Variants in PLXDC1 observed in about 807,000 individuals in gnomAD.
PLXDC1 encodes the protein plexin domain-containing protein 1.
Under a neutral mutation model 61.3 loss-of-function variants are expected in PLXDC1, and 39 were observed. The ratio of observed to expected loss-of-function variants is 0.64; its 90% CI spans 0.49 to 0.83. The LOEUF (loss-of-function observed/expected upper bound fraction) is 0.83, where lower values mean the gene tolerates loss of function less well. Among genes scored for constraint, PLXDC1 ranks in the 40% least tolerant of loss-of-function variants. The pLI is 0.00. For synonymous variants in PLXDC1, 212 were observed against 254.5 expected (o/e 0.83, Z 1.59); for missense variants, 596 against 666.5 (o/e 0.89, Z 1.17).
At chr17:39,147,630 G>A (rs947002755) in intron 1 of PLXDC1, among the ~76,000 whole-genome samples, 1 of 151,538 alleles carries the variant, frequency 6.6e-6, no homozygotes, top group African/African-American at 2.4e-5. Flanking sequence ...CAAAGGAAGT[G>A]CAGGGAGGGA....
intron 9 of PLXDC1, chr17:39,081,452 A>T (rs746885483): frequency 3.0e-4 from 14 of 46,256 alleles, no homozygotes; most frequent in Non-Finnish European, 7.4e-4. Context: ...CATCTCTACT[A>T]AAAAAAAAAA....
chr17:39,089,419 G>C (rs2143491612), intron 7 of PLXDC1, among the ~76,000 whole-genome samples: 1 of 152,322 alleles, frequency 6.6e-6, no homozygotes, highest in South Asian at 2.1e-4. Context: ...CGGGCTCATG[G>C]GGAAAGGCAG....
At chr17:39,072,053 A>C in intron 12 of PLXDC1, 1 of 206,228 alleles carries the variant, frequency 4.8e-6, no homozygotes, top group Non-Finnish European at 9.9e-6. Flanking sequence ...TGAGTGAGGA[A>C]AGAGAAGCTG....
intron 2 of PLXDC1, among the ~76,000 whole-genome samples, chr17:39,118,779 A>C (rs1911071342): frequency 1.3e-5 from 2 of 152,234 alleles, no homozygotes; most frequent in African/African-American, 4.8e-5. Context: ...GGAAGCCTAC[A>C]ATCTACAGCT....
chr17:39,080,603 C>T (rs1246618076), intron 9 of PLXDC1: 1 of 152,224 alleles, frequency 6.6e-6, no homozygotes, highest in East Asian at 1.9e-4. Flanking sequence ...TGGCCCTGCC[C>T]TCCGGGTTTT....
chr17:39,130,725 T>G (rs1202388553), intron 2 of PLXDC1, among the ~76,000 whole-genome samples: 1 of 151,926 alleles, frequency 6.6e-6, no homozygotes, highest in Non-Finnish European at 1.5e-5. Context: ...CACGCCCGGC[T>G]AATTTTGTAT....
At chr17:39,101,217 C>T (rs1598196942) in intron 7 of PLXDC1, among the ~76,000 whole-genome samples, 1 of 152,222 alleles carries the variant, frequency 6.6e-6, no homozygotes, top group African/African-American at 2.4e-5. Flanking sequence ...AGCAACATAA[C>T]AGAGGCACTG....
chr17:39,108,742 C>G (rs1247978062), intron 4 of PLXDC1, 162 bp downstream of exon 4: 1 of 629,166 alleles, frequency 1.6e-6, no homozygotes, highest in Non-Finnish European at 2.9e-6. Context: ...GATGCTCTGA[C>G]GTCCACTGAC....
At chr17:39,101,370 T>C (rs536942087) in intron 7 of PLXDC1, among the ~76,000 whole-genome samples, 16 of 152,182 alleles carry the variant, frequency 1.1e-4, no homozygotes, top group Admixed American at 3.3e-4. Flanking sequence ...TCTAGGCCAC[T>C]GGGGCACAAA....
chr17:39,141,544 A>T (rs1911934369), intron 1 of PLXDC1, among the ~76,000 whole-genome samples: 1 of 152,160 alleles, frequency 6.6e-6, no homozygotes, highest in African/African-American at 2.4e-5. Context: ...CTATCAATGG[A>T]TGTCTGTTTT....
At position 39,122,887 on chromosome 17, in the gene PLXDC1, G is replaced by T. The variant is rs145078916; in HGVS notation, c.256-13496C>A. Among the ~76,000 whole-genome samples, 378 of 152,302 alleles carry T rather than the reference G, an allele frequency of 2.5e-3. 9 individuals are homozygous for T. In the East Asian group the frequency reaches 0.04, roughly 16 times the overall value. Reference sequence around the variant, plus strand: ...TTCTTCCAACAAATCTTTCATAGAAGCTCAATACACAAATCACATCAAAGT... The same window carrying T: ...TTCTTCCAACAAATCTTTCATAGAATCTCAATACACAAATCACATCAAAGT... On this transcript the variant is annotated intron_variant, in intron 2 of 13. Transcript: ENST00000315392.
At chr17:39,118,098 C>T (rs1321500348) in intron 2 of PLXDC1, among the ~76,000 whole-genome samples, 1 of 141,572 alleles carries the variant, frequency 7.1e-6, no homozygotes, top group African/African-American at 2.6e-5. Flanking sequence ...TCCTTCCTTC[C>T]TTCCTTCCTT....
At position 39,151,461 on chromosome 17, in the gene PLXDC1, G is replaced by C; in HGVS notation, c.-24C>G. On this transcript the variant is annotated 5_prime_UTR_variant, in exon 1 of 14. Coordinates refer to ENST00000315392, the MANE Select transcript of PLXDC1 (RefSeq NM_020405.5). The surrounding 1 kb of genome is among the most constrained non-coding windows in gnomAD (Gnocchi z 5.2). ...ATGGTGGGTGCCCGGACCTGCCCCC[G>C]GCCTGCTTGCTGCCCCGGTCCTGAC... The C allele has an allele frequency of 8.0e-7, 1 of 1,248,862 alleles. No homozygotes were observed. The highest frequency in any genetic ancestry group is 1.5e-5 in the African/African-American group (1 of 64,606). The allele number at this position is 1,248,862 out of a possible 1,614,324, so 77.4% of individuals were successfully genotyped here.
Position 39,087,650 on chromosome 17 carries a change from G to T in PLXDC1, c.864C>A (p.Ser288Arg). 6.2e-7 allele frequency: 1 copy of T among 1,614,100 alleles called. No homozygotes were observed. Reference protein sequence around the residue: ...FEYHRIELDPSKVTSMSAVEF... With the variant: ...FEYHRIELDPRKVTSMSAVEF... ...CCACGGCCGACATGCTGGTGACCTT[G>T]CTGGGGTCCAGCTCTATGCGGTGAT... is the stretch of plus-strand genomic sequence containing the variant. The change falls in exon 8 of 14, where the codon AGC (serine) becomes AGA (arginine). Residue 288 changes from serine to arginine, a missense_variant. Coordinates refer to ENST00000315392, the MANE Select transcript of PLXDC1 (RefSeq NM_020405.5).
intron 1 of PLXDC1, among the ~76,000 whole-genome samples, chr17:39,140,770 C>T (rs530937153): frequency 6.6e-6 from 1 of 152,272 alleles, no homozygotes; most frequent in African/African-American, 2.4e-5. Flanking sequence ...GACTAGAAGC[C>T]AGAGTTCTTT....
chr17:39,115,285 C>G (rs1910931441), intron 2 of PLXDC1, among the ~76,000 whole-genome samples: 1 of 152,252 alleles, frequency 6.6e-6, no homozygotes, highest in Admixed American at 6.5e-5. Context: ...AGCTGATTCT[C>G]TCCAATGAGT....
rs749213813 is a variant in PLXDC1 at position 39,105,974 on chromosome 17, T to G, written c.712-21A>C. The G allele has an allele frequency of 6.1e-5, 94 of 1,543,734 alleles. 1 individual carries two copies. In the Admixed American group the frequency reaches 1.5e-3, roughly 24 times the overall value. On this transcript the variant is annotated intron_variant, in intron 6 of 13. Transcript: ENST00000315392. ...GGGATCTGCGGCAGGGAGAAGAGAC[T>G]CCGTCCACCTCCCAAACGCTCTGGG...
At chr17:39,121,510 T>C (rs1000607834) in intron 2 of PLXDC1, among the ~76,000 whole-genome samples, 3 of 152,176 alleles carry the variant, frequency 2.0e-5, no homozygotes, top group Middle Eastern at 3.2e-3. Flanking sequence ...TGGCTGGCCA[T>C]TGGGAAAAAG....
intron 2 of PLXDC1, among the ~76,000 whole-genome samples, chr17:39,118,627 T>A (rs539530706): frequency 3.3e-5 from 5 of 152,206 alleles, no homozygotes; most frequent in Non-Finnish European, 7.3e-5. Flanking sequence ...GGATGCTCCA[T>A]CCCCATCCCA....
Sources: allele counts gnomAD v4.1 joint callset (sites outside exome capture counted in the v4.1 genomes callset), GRCh38; gene constraint gnomAD v4.1.1; non-coding constraint Gnocchi (gnomAD v3.1); transcripts MANE v1.5; gene names NCBI Gene and HGNC (gene_info 2026-07-23, HGNC 2026-07-21).